Variants in FAM161A observed in about 807,000 individuals in gnomAD.
FAM161A encodes the protein FAM161 centrosomal protein A.
FAM161A carries 57 observed loss-of-function variants against 70.9 expected under a neutral mutation model. The observed-to-expected ratio is 0.80, with a 90% confidence interval of 0.65 to 1.00. The LOEUF (loss-of-function observed/expected upper bound fraction) is 1.00, where lower values mean the gene tolerates loss of function less well. Among genes scored for constraint, FAM161A ranks in the 50% least tolerant of loss-of-function variants. The pLI is 0.00. For synonymous variants in FAM161A, 299 were observed against 295.7 expected (o/e 1.01, Z -0.12); for missense variants, 880 against 836.0 (o/e 1.05, Z -0.65).
At chr2:61,809,036 C>G in the FAM161A span, among the ~76,000 whole-genome samples, 1 of 152,140 alleles carries the variant, frequency 6.6e-6, no homozygotes, top group Non-Finnish European at 1.5e-5. Context: ...CCACACACAA[C>G]TAATTTTTGT....
In FAM161A at chr2:61,839,946, T is replaced by G. The variant is rs775127817; in HGVS notation, c.1058A>C (p.Asn353Thr). 1 of 1,614,184 alleles carries G rather than the reference T, an allele frequency of 6.2e-7. No individual in the cohort carries two copies. The highest frequency in any genetic ancestry group is 1.1e-5 in the South Asian group (1 of 91,086). The change falls in exon 3 of 7, where the codon AAT becomes ACT. Residue 353 changes from asparagine (N) to threonine (T), a missense_variant. Physicochemically the swap from Asn to Thr is moderately conservative, Grantham distance 65. Coordinates refer to ENST00000404929, the MANE Select transcript of FAM161A (RefSeq NM_001201543.2). ...AGGAATGGGTCTGGCTTTAAATCGATTTGTTTTCTTTTTATACTTAAGAAA... is the reference window on the plus strand; with the variant it reads ...AGGAATGGGTCTGGCTTTAAATCGAGTTGTTTTCTTTTTATACTTAAGAAA... ...RDFLKYKKKT[N>T]RFKARPIPRS...
chr2:61,830,561 G>A (rs187497592), intron 5 of FAM161A, among the ~76,000 whole-genome samples: 291 of 151,468 alleles, frequency 1.9e-3, no homozygotes, highest in African/African-American at 6.6e-3. Flanking sequence ...GTGTGCACCT[G>A]TAATCCCAGC....
chr2:61,831,467 G>T (rs1401790646), intron 5 of FAM161A, among the ~76,000 whole-genome samples: 2 of 152,114 alleles, frequency 1.3e-5, no homozygotes, highest in Non-Finnish European at 2.9e-5. Context: ...TGTAATTGCT[G>T]CAATTGTGTG....
Position 61,840,299 on chromosome 2 carries a change from T to C in FAM161A, c.705A>G (p.Thr235=). Residue 235 remains threonine (T), a synonymous_variant, in exon 3 of 7, where the codon ACA becomes ACG. Transcript: ENST00000404929. ...TTTGAAAAGGCTCCGGTACTGTAATTGTGGGCACCCATTCTTTTCGTTTCT... is the reference window on the plus strand; with the variant it reads ...TTTGAAAAGGCTCCGGTACTGTAATCGTGGGCACCCATTCTTTTCGTTTCT... ...RRKKRKEWVP[T]ITVPEPFQMM... is the part of the protein sequence containing the mutation. 6.2e-7 allele frequency: 1 copy of C among 1,614,180 alleles called. No homozygotes were observed.
downstream of FAM161A, among the ~76,000 whole-genome samples, chr2:61,823,608 C>G (rs978343343): frequency 2.6e-5 from 4 of 151,872 alleles, no homozygotes; most frequent in Non-Finnish European, 5.9e-5. Context: ...TCAAGTGAGC[C>G]GCCTTCCTCT....
chr2:61,834,775 T>G (rs1442275536), intron 5 of FAM161A, among the ~76,000 whole-genome samples: 1 of 152,126 alleles, frequency 6.6e-6, no homozygotes, highest in Non-Finnish European at 1.5e-5. Flanking sequence ...CATACCCTTG[T>G]AACAAACCTG....
intron 5 of FAM161A, among the ~76,000 whole-genome samples, chr2:61,830,497 A>G (rs776539049): frequency 6.6e-6 from 1 of 151,932 alleles, no homozygotes; most frequent in Non-Finnish European, 1.5e-5. Context: ...CCCGGCCAAC[A>G]TGGTGAAATC....
chr2:61,832,697 G>T (rs1672626766), intron 5 of FAM161A, among the ~76,000 whole-genome samples: 1 of 152,200 alleles, frequency 6.6e-6, no homozygotes, highest in South Asian at 2.1e-4. Context: ...TCATAGGAGG[G>T]TGACCCCTAT....
intron 5 of FAM161A, among the ~76,000 whole-genome samples, chr2:61,831,651 G>A (rs2105066604): frequency 6.6e-6 from 1 of 152,236 alleles, no homozygotes; most frequent in East Asian, 1.9e-4. Context: ...CCCTTCTTCT[G>A]GTTGTATCAT....
intron 6 of FAM161A, 143 bp from the exon 7 acceptor site, chr2:61,826,742 A>AC (rs1436165839): frequency 9.2e-5 from 50 of 545,180 alleles, no homozygotes; most frequent in Non-Finnish European, 2.8e-6. Context: ...CTCAAAAAAA[A>AC]GAAGAAAACG....
chr2:61,811,518 C>T, the FAM161A span, among the ~76,000 whole-genome samples: 5 of 152,238 alleles, frequency 3.3e-5, no homozygotes, highest in East Asian at 1.9e-4. Flanking sequence ...CGATTACAGG[C>T]GTGATCCACC....
At position 61,825,729 on chromosome 2, in the gene FAM161A, C is replaced by A. The variant is rs1672334341; in HGVS notation, c.*726G>T. The stretch of plus-strand genomic sequence containing the variant: ...CTCGGCTCACTGCAAGCTCTGCCTC[C>A]TGGGTTCATGCCATTCTCCTGCCTC... On this transcript the variant is annotated 3_prime_UTR_variant, in exon 7 of 7. Transcript: ENST00000404929. 2.4e-6 allele frequency: 1 copy of A among 416,412 alleles called. No individual in the cohort carries two copies. The highest frequency in any genetic ancestry group is 4.7e-6 in the Non-Finnish European group (1 of 213,244). 25.8% of individuals were successfully genotyped at this position (416,412 alleles called of 1,614,324 possible).
chr2:61,827,189 A>G lies in FAM161A; in HGVS notation c.1921T>C (p.Phe641Leu). Residue 641 changes from phenylalanine (F) to leucine (L), a missense_variant, in exon 6 of 7, where the codon TTT becomes CTT. Transcript: ENST00000404929. ...TLKALGISDE[F>L]VSKKGQSGKV... ...CCACTTTGGCCTTTCTTTGAAACAAACTCATCAGATATTCCTAGTGCTTTT... is the reference window on the plus strand; with the variant it reads ...CCACTTTGGCCTTTCTTTGAAACAAGCTCATCAGATATTCCTAGTGCTTTT... The G allele has an allele frequency of 6.2e-7, 1 of 1,613,784 alleles. No homozygotes were observed. The highest frequency in any genetic ancestry group is 8.5e-7 in the Non-Finnish European group (1 of 1,179,962).
chr2:61,804,805 A>AGAAAGAAAGAAAGAAG, the FAM161A span, among the ~76,000 whole-genome samples: 7 of 149,808 alleles, frequency 4.7e-5, no homozygotes, highest in East Asian at 1.4e-3. Flanking sequence ...AAAGAAAGAA[A>AGAAAGAAAGAAAGAAG]GAAAGAAAGA....
chr2:61,841,090 A>G (rs1167537119), intron 2 of FAM161A, among the ~76,000 whole-genome samples: 1 of 152,214 alleles, frequency 6.6e-6, no homozygotes, highest in Non-Finnish European at 1.5e-5. Flanking sequence ...TTTTACAGGG[A>G]AGGAACCTGA....
At chr2:61,817,005 T>C in the FAM161A span, among the ~76,000 whole-genome samples, 5 of 152,098 alleles carry the variant, frequency 3.3e-5, no homozygotes, top group Admixed American at 2.0e-4. Flanking sequence ...GAAACTGCAA[T>C]TCGAAACTGA....
chr2:61,822,389 T>C (rs1672221168), downstream of FAM161A, among the ~76,000 whole-genome samples: 1 of 152,140 alleles, frequency 6.6e-6, no homozygotes, highest in Non-Finnish European at 1.5e-5. Context: ...GAAATGAGAC[T>C]ACCTAAAGAA....
intron 1 of FAM161A, among the ~76,000 whole-genome samples, chr2:61,848,715 T>C (rs1673319625): frequency 7.1e-6 from 1 of 141,710 alleles, no homozygotes; most frequent in South Asian, 2.2e-4. Context: ...TTGTAAAGAA[T>C]GAGAGAGATC....
the FAM161A span, among the ~76,000 whole-genome samples, chr2:61,818,789 C>T: frequency 6.6e-6 from 1 of 152,160 alleles, no homozygotes; most frequent in Non-Finnish European, 1.5e-5. Context: ...TCAAGGAATA[C>T]TAAAACTGTT....
Sources: allele counts gnomAD v4.1 joint callset (sites outside exome capture counted in the v4.1 genomes callset), GRCh38; gene constraint gnomAD v4.1.1; transcripts MANE v1.5; gene names NCBI Gene and HGNC (gene_info 2026-07-23, HGNC 2026-07-21).